Variants in GPM6B observed in about 807,000 individuals in gnomAD.
GPM6B encodes glycoprotein M6B, also known as neuronal membrane glycoprotein M6-b.
Under a neutral mutation model 27.2 loss-of-function variants are expected in GPM6B, and 4 were observed. The observed-to-expected ratio is 0.15, with a 90% CI of 0.07 to 0.34. The LOEUF (loss-of-function observed/expected upper bound fraction) is 0.34. GPM6B is among the 10% of genes least tolerant of loss of function. The probability of loss-of-function intolerance (pLI) is 1.00; values close to 1 mark genes in which losing one functional copy is unlikely to be tolerated. For synonymous variants in GPM6B, 124 were observed against 103.1 expected, an observed-to-expected ratio of 1.20 and a Z score of -1.23; for missense variants, 183 against 261.9, an observed-to-expected ratio of 0.70 and a Z score of 2.08.
intron 1 of GPM6B, among the ~76,000 whole-genome samples, chrX:13,855,866 G>A (rs1190661931): frequency 9.0e-6 from 1 of 111,232 alleles, no homozygotes; most frequent in Admixed American, 9.6e-5. Flanking sequence ...ACATGGCCAA[G>A]CCACCAGTTC....
At chrX:13,847,771 T>C (rs936867031) in intron 1 of GPM6B, among the ~76,000 whole-genome samples, 8 of 112,240 alleles carry the variant, frequency 7.1e-5, no homozygotes, top group Non-Finnish European at 1.3e-4. Context: ...TTTAAAATGC[T>C]CTCACTTTCT....
intron 1 of GPM6B, among the ~76,000 whole-genome samples, chrX:13,922,911 C>T (rs760116865): frequency 8.9e-6 from 1 of 112,109 alleles, no homozygotes; most frequent in East Asian, 2.8e-4. Context: ...TGCGGTGGCT[C>T]ACGCCTGTAA....
At chrX:13,865,092 C>T (rs183309251) in intron 1 of GPM6B, among the ~76,000 whole-genome samples, 7 of 111,240 alleles carry the variant, frequency 6.3e-5, no homozygotes, top group Admixed American at 5.7e-4. Context: ...GTAACTGACA[C>T]CATGGAGAGT....
At chrX:13,884,542 T>G (rs1466308286) in intron 1 of GPM6B, among the ~76,000 whole-genome samples, 1 of 112,339 alleles carries the variant, frequency 8.9e-6, no homozygotes, top group African/African-American at 3.2e-5. Flanking sequence ...ACCATTGTTC[T>G]GAAATAAAGA....
chrX:13,817,306 T>G (rs1254690905), upstream of GPM6B: 94 of 748,243 alleles, frequency 1.3e-4, no homozygotes, highest in Non-Finnish European at 1.3e-4. Flanking sequence ...TCTCGATCTC[T>G]CTCTCTCTCT....
chrX:13,823,977 T>C (rs150205582), intron 1 of GPM6B, among the ~76,000 whole-genome samples: 1,742 of 112,492 alleles, frequency 0.015, 26 homozygotes, highest in African/African-American at 0.054. Flanking sequence ...AGGGGGCATG[T>C]GCCTCCTCAG....
At chrX:13,908,987 T>C (rs990434426) in intron 1 of GPM6B, among the ~76,000 whole-genome samples, 1 of 112,012 alleles carries the variant, frequency 8.9e-6, no homozygotes, top group Non-Finnish European at 1.9e-5. Context: ...AATAACATTT[T>C]TAACCTTTAA....
intron 1 of GPM6B, among the ~76,000 whole-genome samples, chrX:13,853,590 CAAAAAAAA>C (rs66531403): frequency 7.8e-5 from 3 of 38,545 alleles, no homozygotes; most frequent in Non-Finnish European, 1.3e-4. Context: ...GACACCACCT[CAAAAAAAA>C]AAAAAAAAAA....
chrX:13,798,420 A>C (rs2048855871), intron 2 of GPM6B, among the ~76,000 whole-genome samples: 1 of 110,073 alleles, frequency 9.1e-6, no homozygotes, highest in South Asian at 3.9e-4. Context: ...TGAGGAAGAC[A>C]TACCTGTTCC....
Position 13,865,559 on chromosome X carries a change from A to AAAAAAAG in GPM6B, c.-198+72767_-198+72768insCTTTTTT, listed in dbSNP as rs34662549. Among the ~76,000 whole-genome samples the AAAAAAAG allele has an allele frequency of 3.0e-3, 158 of 52,903 alleles. 1 individual carries two copies. Among genetic ancestry groups the AAAAAAAG allele is most frequent in the African/African-American group, 9.5e-3 (149 of 15,747 alleles). The allele number at this position is 52,903 out of a possible 115,157, so 45.9% of individuals were successfully genotyped here. On this transcript the variant is annotated intron_variant, in intron 1 of 6. Transcript: ENST00000398361. ...CATCTCTTCAAAAAAAAAAAAAAAA[A>AAAAAAAG]AAAGAAAGAAAGAAAGAAAAGAAAA... is the stretch of plus-strand genomic sequence containing the variant.
chrX:13,888,547 G>T (rs1262236267), intron 1 of GPM6B, among the ~76,000 whole-genome samples: 1 of 111,595 alleles, frequency 9.0e-6, no homozygotes, highest in Non-Finnish European at 1.9e-5. Context: ...AGGGCAAACA[G>T]GAAATACATT....
chrX:13,915,278 TAA>T (rs57417145), intron 1 of GPM6B, among the ~76,000 whole-genome samples: 10,477 of 80,225 alleles, frequency 0.13, 634 homozygotes, highest in Admixed American at 0.17. Context: ...AAAAAATGTG[TAA>T]AAAAAAAAAA....
chrX:13,917,174 C>T (rs990148119), intron 1 of GPM6B, among the ~76,000 whole-genome samples: 1 of 112,078 alleles, frequency 8.9e-6, no homozygotes, highest in African/African-American at 3.2e-5. Context: ...ATCACTGCTA[C>T]TGCACTCCAG....
chrX:13,900,193 G>GA (rs1266046202), intron 1 of GPM6B, among the ~76,000 whole-genome samples: 7 of 111,784 alleles, frequency 6.3e-5, no homozygotes, highest in Non-Finnish European at 1.3e-4. Flanking sequence ...GGGCTTATGG[G>GA]AAAAATGGGG....
chrX:13,914,706 G>T (rs1016087145), intron 1 of GPM6B, among the ~76,000 whole-genome samples: 1 of 112,344 alleles, frequency 8.9e-6, no homozygotes, highest in African/African-American at 3.2e-5. Context: ...AATCTATATT[G>T]TAGCTAACAG....
rs1384643363 is a variant in GPM6B at position 13,783,457 on chromosome X, G to C, written c.433C>G (p.Leu145Val). 2.5e-6 allele frequency: 3 copies of C among 1,204,093 alleles called. No homozygotes were observed. In the Admixed American group the frequency reaches 6.5e-5, roughly 26 times the overall value. The change falls in exon 4 of 8, where the codon CTG (leucine) becomes GTG (valine). Residue 145 changes from leucine to valine, a missense_variant. Physicochemically the swap from Leu to Val is conservative, Grantham distance 32. Transcript: ENST00000316715. Reference sequence around the variant, plus strand: ...GTGGTGTAAAAGCCTTCTGCCAACAGAATGATCCCATACAAGAAGAAAAAG... The same window carrying C: ...GTGGTGTAAAAGCCTTCTGCCAACACAATGATCCCATACAAGAAGAAAAAG... ...ASFFFLYGII[L>V]LAEGFYTTSA...
chrX:13,779,665 A>G (rs1268175632), intron 5 of GPM6B, among the ~76,000 whole-genome samples, 153 bp downstream of exon 5: 1 of 111,724 alleles, frequency 9.0e-6, no homozygotes, highest in East Asian at 2.8e-4. Context: ...CCCAGAAAAT[A>G]GCATATTGAA....
intron 1 of GPM6B, among the ~76,000 whole-genome samples, chrX:13,935,291 G>A (rs1433337240): frequency 1.1e-5 from 1 of 93,862 alleles, no homozygotes; most frequent in Non-Finnish European, 2.0e-5. Context: ...TTGAGGCCAG[G>A]AGTTTGAGAC....
chrX:13,827,480 GTC>G (rs2049389409), intron 1 of GPM6B, among the ~76,000 whole-genome samples: 1 of 109,754 alleles, frequency 9.1e-6, no homozygotes, highest in South Asian at 4.0e-4. Flanking sequence ...TCACCCCGCT[GTC>G]TCTCAGTTAT....
Sources: gnomAD v4.1 joint callset for allele counts (sites outside exome capture counted in the v4.1 genomes callset) on GRCh38, gnomAD v4.1.1 for gene constraint, MANE v1.5 for transcripts, NCBI Gene and HGNC (gene_info 2026-07-23, HGNC 2026-07-21) for gene names.